CHD9: variants seen among roughly 807,000 people sequenced by gnomAD.
The protein encoded by CHD9 is chromodomain helicase DNA binding protein 9.
A neutral mutation model predicts 316.1 loss-of-function variants in CHD9; 77 were observed. The observed-to-expected ratio is 0.24, with a 90% CI of 0.20 to 0.29. The LOEUF is 0.29. Ranked by LOEUF, CHD9 falls within the 10% of genes least tolerant of loss-of-function variation. The pLI, the probability that CHD9 is intolerant of heterozygous loss-of-function variation, is 1.00. For synonymous variants in CHD9, 1,129 were observed against 1,158.3 expected (o/e 0.97, Z 0.51); for missense variants, 2,763 against 3,438.1 (o/e 0.80, Z 4.91).
chr16:53,243,050 A>C, intron 13 of CHD9, 34 bp downstream of exon 13: 1 of 1,465,356 alleles, frequency 6.8e-7, no homozygotes, highest in Non-Finnish European at 9.4e-7. Flanking sequence ...ATGACAATTG[A>C]GTTTATTAGA....
intron 19 of CHD9, among the ~76,000 whole-genome samples, chr16:53,262,036 TTTAA>T (rs1378991026): frequency 1.3e-5 from 2 of 152,216 alleles, no homozygotes; most frequent in Admixed American, 6.5e-5. Flanking sequence ...AGACTTTTTC[TTTAA>T]TTAAGATTTT....
At chr16:53,289,105 T>A (rs1012456199) in intron 27 of CHD9, among the ~76,000 whole-genome samples, 1 of 152,062 alleles carries the variant, frequency 6.6e-6, no homozygotes, top group African/African-American at 2.4e-5. Flanking sequence ...CCCTGAGAAT[T>A]TCTGATGTAT....
chr16:53,291,641 A>T (rs373731166), intron 27 of CHD9, 84 bp from the exon 28 acceptor site: 11 of 892,682 alleles, frequency 1.2e-5, no homozygotes, highest in East Asian at 8.3e-5. Flanking sequence ...GCTCTCTGTT[A>T]TAAAGAAGTT....
intron 3 of CHD9, among the ~76,000 whole-genome samples, chr16:53,212,205 T>C (rs1186981838): frequency 6.6e-6 from 1 of 151,904 alleles, no homozygotes; most frequent in Non-Finnish European, 1.5e-5. Context: ...ATTGAGACCA[T>C]CCTAGCTAAC....
chr16:53,063,401 C>CACAA (rs1491216402), intron 1 of CHD9, among the ~76,000 whole-genome samples: 2 of 146,190 alleles, frequency 1.4e-5, no homozygotes, highest in African/African-American at 5.1e-5. Flanking sequence ...CACACACACA[C>CACAA]AAAATGTGAA....
chr16:53,072,320 CT>C lies in CHD9; in HGVS notation c.-165+17256del, dbSNP rs35193137. 3.9e-3 allele frequency among the ~76,000 whole-genome samples: 558 copies of C among 143,914 alleles called. 3 individuals are homozygous for C. Among genetic ancestry groups the C allele is most frequent in the African/African-American group, 0.011 (435 of 38,776 alleles). The allele number at this position is 143,914 out of a possible 152,430, so 94.4% of individuals were successfully genotyped here. A position where few individuals can be genotyped will look rare whatever the true frequency, so the allele number is the denominator to read the frequency against. ...CTACTTTGGAAGGAAAGCCATAAGT[CT>C]TTTTTTTTTTTTATAATTGGGATCC... On this transcript the variant is annotated intron_variant, in intron 1 of 38. Transcript: ENST00000447540.
chr16:53,279,508 A>G (rs1248604100), intron 24 of CHD9, among the ~76,000 whole-genome samples: 1 of 152,184 alleles, frequency 6.6e-6, no homozygotes, highest in African/African-American at 2.4e-5. Flanking sequence ...CTTGAAGTAT[A>G]ATAATAAAAA....
chr16:53,291,188 A>G lies in CHD9; in HGVS notation c.5248-537A>G, dbSNP rs181452907. Among the ~76,000 whole-genome samples the G allele has an allele frequency of 7.4e-4, 113 of 152,332 alleles. 3 individuals are homozygous for G. The South Asian group carries it at 0.015, about 20-fold the overall frequency. On this transcript the variant is annotated intron_variant, in intron 27 of 38. Coordinates refer to ENST00000447540, the MANE Select transcript of CHD9 (RefSeq NM_001308319.2). ...AACTTCAGGCTTTTTTAAAACAACAATAGAAACTAGTAGTCATTGATATAA... is the reference window on the plus strand; with the variant it reads ...AACTTCAGGCTTTTTTAAAACAACAGTAGAAACTAGTAGTCATTGATATAA...
At chr16:53,108,511 TATAGATAGATAGATAGATAGATAG>T (rs36134573) in intron 1 of CHD9, among the ~76,000 whole-genome samples, 2,303 of 146,616 alleles carry the variant, frequency 0.016, 59 homozygotes, top group African/African-American at 0.054. Flanking sequence ...TCTCAAAAAA[TATAGATAGATAGATAGATAGATAG>T]ATAGATAGAT....
At chr16:53,144,369 C>T (rs2040391245) in intron 1 of CHD9, among the ~76,000 whole-genome samples, 1 of 152,118 alleles carries the variant, frequency 6.6e-6, no homozygotes, top group Non-Finnish European at 1.5e-5. Context: ...TATTCAGTTA[C>T]TACCAGAGAT....
Position 53,156,758 on chromosome 16 carries a change from A to G in CHD9, c.669A>G (p.Gln223=), listed in dbSNP as rs1326318519. The change falls in exon 2 of 39, where the codon CAA becomes CAG. Residue 223 remains glutamine, a synonymous_variant. Transcript: ENST00000447540. The stretch of plus-strand genomic sequence containing the variant: ...AGATGACTAATGCATCTAATTCACA[A>G]CAGTCTATTTCAATGCAGCAATTTT... ...PPQMTNASNS[Q]QSISMQQFSQ... is the part of the protein sequence containing the mutation. 13 of 1,613,620 alleles carry G rather than the reference A, an allele frequency of 8.1e-6. 1 individual carries two copies. In the East Asian group the frequency reaches 8.9e-5, roughly 11 times the overall value.
intron 1 of CHD9, among the ~76,000 whole-genome samples, chr16:53,062,925 G>C (rs1345356580): frequency 1.3e-5 from 2 of 152,142 alleles, no homozygotes; most frequent in Non-Finnish European, 1.5e-5. Flanking sequence ...GGGAGGCTAA[G>C]GGAAGAATCG....
chr16:53,247,916 A>T (rs1345912919), intron 16 of CHD9: 1 of 156,210 alleles, frequency 6.4e-6, no homozygotes, highest in East Asian at 1.9e-4. Context: ...TGGGACTTTT[A>T]TTCTTATTAT....
At chr16:53,207,726 G>GT (rs1453257279) in intron 2 of CHD9, among the ~76,000 whole-genome samples, 4 of 150,432 alleles carry the variant, frequency 2.7e-5, no homozygotes, top group East Asian at 1.9e-4. Flanking sequence ...TTTAGATTTT[G>GT]TTTTTTTAAA....
In CHD9 at chr16:53,304,450, T is replaced by A. The variant is rs2055733436; in HGVS notation, c.6444T>A (p.Ser2148=). The A allele has an allele frequency of 1.9e-6, 3 of 1,579,380 alleles. No homozygotes were observed. The highest frequency in any genetic ancestry group is 1.2e-5 in the South Asian group (1 of 86,166). Residue 2148 remains serine, a synonymous_variant, in exon 31 of 39, where the codon TCT becomes TCA. Transcript: ENST00000447540. ...SERSSCSSRS[S]SSSSSSSCSH... is the part of the protein sequence containing the mutation. ...GATCATCTTGTTCTTCCAGATCATC[T>A]TCTTCCTCATCATCCTCTTCTTGCT...
At chr16:53,091,944 C>A (rs1428496571) in intron 1 of CHD9, among the ~76,000 whole-genome samples, 1 of 152,178 alleles carries the variant, frequency 6.6e-6, no homozygotes, top group East Asian at 1.9e-4. Context: ...CAAGAGCATC[C>A]CTTGAGAGCC....
intron 1 of CHD9, among the ~76,000 whole-genome samples, chr16:53,077,328 A>AT (rs924893639): frequency 6.0e-4 from 77 of 128,398 alleles, no homozygotes; most frequent in African/African-American, 1.9e-3. Flanking sequence ...TTTTAAATTC[A>AT]TTTTTTTTTG....
chr16:53,241,210 T>C (rs2152947551), intron 12 of CHD9, among the ~76,000 whole-genome samples: 1 of 152,338 alleles, frequency 6.6e-6, no homozygotes, highest in Middle Eastern at 3.4e-3. Flanking sequence ...ACCCAATAGC[T>C]TATGTTTTCA....
At chr16:53,224,545 G>T (rs2047491783) in intron 4 of CHD9, among the ~76,000 whole-genome samples, 1 of 152,120 alleles carries the variant, frequency 6.6e-6, no homozygotes. Flanking sequence ...GAGCTTAAAA[G>T]ATTCTTTGAG....
Sources: allele counts gnomAD v4.1 joint callset (sites outside exome capture counted in the v4.1 genomes callset), GRCh38; gene constraint gnomAD v4.1.1; transcripts MANE v1.5; gene names NCBI Gene and HGNC (gene_info 2026-07-23, HGNC 2026-07-21).